LRRC37A2: variants seen among roughly 807,000 people sequenced by gnomAD.
LRRC37A2 encodes the protein leucine rich repeat containing 37 member A2, also known as leucine-rich repeat-containing protein 37A2.
LRRC37A2 carries 9 observed loss-of-function variants against 68.8 expected under a neutral mutation model. The ratio of observed to expected loss-of-function variants is 0.13; its 90% CI spans 0.08 to 0.23. LRRC37A2 has a LOEUF of 0.23. Among genes scored for constraint, LRRC37A2 ranks in the 10% least tolerant of loss-of-function variants. The pLI is 1.00. For missense variants in LRRC37A2, 168 were observed against 950.4 expected (o/e 0.18, Z 10.82); for synonymous variants, 63 against 367.6 (o/e 0.17, Z 9.48).
the LRRC37A2 span, among the ~76,000 whole-genome samples, chr17:46,946,583 C>A: frequency 6.6e-6 from 1 of 151,668 alleles, no homozygotes; most frequent in Non-Finnish European, 1.5e-5. Context: ...TTATGAGAGG[C>A]CAGGCATGGT....
At chr17:46,871,972 A>G in the LRRC37A2 span, among the ~76,000 whole-genome samples, 1 of 152,230 alleles carries the variant, frequency 6.6e-6, no homozygotes, top group Non-Finnish European at 1.5e-5. Flanking sequence ...GGGCAGCAGC[A>G]TAATGTAAGG....
chr17:46,870,904 C>CTTTTTTTTTTTTTTTTT, the LRRC37A2 span, among the ~76,000 whole-genome samples: 5 of 78,396 alleles, frequency 6.4e-5, no homozygotes, highest in African/African-American at 2.5e-4. Context: ...TCCACCTTTG[C>CTTTTTTTTTTTTTTTTT]TTTTTTTTTT....
chr17:46,976,851 C>G, the LRRC37A2 span, among the ~76,000 whole-genome samples: 1 of 152,214 alleles, frequency 6.6e-6, no homozygotes, highest in African/African-American at 2.4e-5. Flanking sequence ...TTGCCTGAGT[C>G]ACTGAAGGCT....
At chr17:46,786,747 G>A in the LRRC37A2 span, among the ~76,000 whole-genome samples, 1 of 152,126 alleles carries the variant, frequency 6.6e-6, no homozygotes, top group Non-Finnish European at 1.5e-5. Flanking sequence ...AGGCCTACTT[G>A]GGGTCACAGC....
chr17:46,966,919 T>G, the LRRC37A2 span: 3 of 391,962 alleles, frequency 7.7e-6, no homozygotes, highest in Non-Finnish European at 1.3e-5. Flanking sequence ...TTCATGAAAT[T>G]TTATTTGAAT....
chr17:46,755,106 A>C, the LRRC37A2 span, among the ~76,000 whole-genome samples: 2 of 152,264 alleles, frequency 1.3e-5, no homozygotes, highest in East Asian at 3.8e-4. Flanking sequence ...CCCAGTGTAC[A>C]TAGTTCTGGA....
At chr17:47,022,166 C>CTTTTTTTTTTTTTTTTTTTTTTTTTT in the LRRC37A2 span, among the ~76,000 whole-genome samples, 5 of 15,856 alleles carry the variant, frequency 3.2e-4, 2 homozygotes, top group Non-Finnish European at 8.8e-4. Context: ...CCTTTTTGTT[C>CTTTTTTTTTTTTTTTTTTTTTTTTTT]TCTTTTTTTT....
chr17:46,873,192 C>A, the LRRC37A2 span, among the ~76,000 whole-genome samples: 1 of 151,988 alleles, frequency 6.6e-6, no homozygotes, highest in Non-Finnish European at 1.5e-5. Flanking sequence ...CCCGATGACA[C>A]GAGCCAGGCG....
At chr17:46,558,248 T>C (rs868094814), downstream of LRRC37A2, among the ~76,000 whole-genome samples, 34 of 104,484 alleles carry the variant, frequency 3.3e-4, no homozygotes, top group Middle Eastern at 4.0e-3. Flanking sequence ...TTAGTAGAGA[T>C]GGGGTTTCAC....
At chr17:46,844,088 G>A in the LRRC37A2 span, among the ~76,000 whole-genome samples, 1 of 152,062 alleles carries the variant, frequency 6.6e-6, no homozygotes, top group Non-Finnish European at 1.5e-5. Flanking sequence ...AGGGTAGCTG[G>A]GACTACAGGC....
the LRRC37A2 span, chr17:46,939,374 G>T: frequency 1.0e-6 from 1 of 1,001,262 alleles, no homozygotes; most frequent in Non-Finnish European, 1.2e-6. Flanking sequence ...TAACAAGTAA[G>T]ATTTTCCACA....
the LRRC37A2 span, among the ~76,000 whole-genome samples, chr17:46,722,529 G>A: frequency 6.6e-6 from 1 of 152,164 alleles, no homozygotes; most frequent in Admixed American, 6.5e-5. Flanking sequence ...TCCCGGCTTA[G>A]TATGTAAATA....
chr17:46,603,630 ATT>A, the LRRC37A2 span, among the ~76,000 whole-genome samples: 1 of 82,086 alleles, frequency 1.2e-5, no homozygotes, highest in Non-Finnish European at 2.6e-5. Flanking sequence ...AAGCATGGCT[ATT>A]TTGCTGCAGT....
chr17:47,037,458 A>T, the LRRC37A2 span, among the ~76,000 whole-genome samples: 1 of 152,188 alleles, frequency 6.6e-6, no homozygotes, highest in South Asian at 2.1e-4. Context: ...GAAACCATAG[A>T]TCAATTTGGA....
At chr17:46,823,861 TGGAGATAACACTTTCCACCTTGTAG>T in the LRRC37A2 span, among the ~76,000 whole-genome samples, 817 of 152,096 alleles carry the variant, frequency 5.4e-3, 1 homozygote, top group Non-Finnish European at 7.8e-3. Context: ...GGTTGTGGAG[TGGAGATAACACTTTCCACCTTGTAG>T]GGAGCTGTCA....
chr17:46,558,614 C>T (rs1274276207), downstream of LRRC37A2, among the ~76,000 whole-genome samples: 1 of 122,176 alleles, frequency 8.2e-6, no homozygotes, highest in Non-Finnish European at 1.7e-5. Context: ...TAGTCTTGAA[C>T]TCCTGACCTC....
the LRRC37A2 span, among the ~76,000 whole-genome samples, chr17:46,804,378 C>T: frequency 1.3e-5 from 2 of 152,156 alleles, no homozygotes; most frequent in African/African-American, 2.4e-5. Flanking sequence ...CAAGCCACCA[C>T]AACTAGCCTG....
the LRRC37A2 span, among the ~76,000 whole-genome samples, chr17:46,979,709 GCT>G: frequency 6.6e-6 from 1 of 151,500 alleles, no homozygotes; most frequent in Non-Finnish European, 1.5e-5. Flanking sequence ...GGCGAGGCGG[GCT>G]CTCTGCCTCC....
exon 10 of LRRC37A2, chr17:46,548,785 C>G (rs772510763): frequency 2.5e-6 from 4 of 1,611,700 alleles, no homozygotes; most frequent in Non-Finnish European, 3.4e-6. Flanking sequence ...GGAGGTGGAA[C>G]AGCCCCACAC....
Sources: allele counts gnomAD v4.1 joint callset (sites outside exome capture counted in the v4.1 genomes callset), GRCh38; gene constraint gnomAD v4.1.1; transcripts MANE v1.5; gene names NCBI Gene and HGNC (gene_info 2026-07-23, HGNC 2026-07-21).